Variants in PTPRN2 observed in about 807,000 individuals in gnomAD.
PTPRN2 encodes the protein receptor-type tyrosine-protein phosphatase N2.
Under a neutral mutation model 118.8 loss-of-function variants are expected in PTPRN2, and 74 were observed. The ratio of observed to expected loss-of-function variants is 0.62; its 90% CI spans 0.52 to 0.76. The LOEUF is 0.76. Among genes scored for constraint, PTPRN2 ranks in the 30% least tolerant of loss-of-function variants. PTPRN2 has a pLI of 0.00. For missense variants in PTPRN2, 1,481 were observed against 1,394.4 expected (o/e 1.06, Z -0.99); for synonymous variants, 641 against 608.0 (o/e 1.05, Z -0.80).
intron 11 of PTPRN2, among the ~76,000 whole-genome samples, chr7:158,072,136 G>A (rs1170987690): frequency 2.8e-5 from 4 of 143,566 alleles, no homozygotes; most frequent in African/African-American, 1.1e-4. Context: ...GCTCATGTAG[G>A]ATCTAAATGC....
chr7:157,807,177 C>T (rs974473820), intron 12 of PTPRN2, among the ~76,000 whole-genome samples: 26 of 152,324 alleles, frequency 1.7e-4, no homozygotes, highest in East Asian at 1.3e-3. Context: ...GAACTGTGCC[C>T]GAGAACACAT....
chr7:158,071,779 T>C (rs1166192337), intron 11 of PTPRN2, among the ~76,000 whole-genome samples: 21 of 128,738 alleles, frequency 1.6e-4, no homozygotes, highest in East Asian at 2.7e-4. Context: ...ATGGAGGTGC[T>C]TGTGGTGGTG....
chr7:157,679,722 G>GT (rs1361065230), intron 13 of PTPRN2, among the ~76,000 whole-genome samples: 2 of 152,150 alleles, frequency 1.3e-5, no homozygotes, highest in African/African-American at 4.8e-5. Flanking sequence ...GGGCTGGGGG[G>GT]TTCTGTACAA....
At chr7:158,099,899 G>C (rs921422741) in intron 10 of PTPRN2, among the ~76,000 whole-genome samples, 3 of 137,528 alleles carry the variant, frequency 2.2e-5, no homozygotes, top group African/African-American at 8.4e-5. Context: ...CCCTCATAAG[G>C]ATCATTGTGT....
At chr7:158,318,265 G>A (rs139030426) in intron 2 of PTPRN2, among the ~76,000 whole-genome samples, 23 of 152,220 alleles carry the variant, frequency 1.5e-4, no homozygotes, top group Non-Finnish European at 2.6e-4. Flanking sequence ...AGTGGGAAAG[G>A]GGGGAGGAGG....
chr7:158,570,579 C>A lies in PTPRN2; in HGVS notation c.112+16979G>T, dbSNP rs1343129409. On this transcript the variant is annotated intron_variant, in intron 1 of 22. Coordinates refer to ENST00000389418, the MANE Select transcript of PTPRN2 (RefSeq NM_002847.5). This position sits in a 1 kb window ranked among gnomAD's most constrained non-coding sequence, Gnocchi z 4.5. ...AGCCTCTCCCTGTGTCCTCCGTGCCCCCCGAGTGGCCTGCTAGCCCGCTCT... is the reference window on the plus strand; with the variant it reads ...AGCCTCTCCCTGTGTCCTCCGTGCCACCCGAGTGGCCTGCTAGCCCGCTCT... Among the ~76,000 whole-genome samples, 1 of 152,186 alleles carries A rather than the reference C, an allele frequency of 6.6e-6. No individual in the cohort carries two copies. Among genetic ancestry groups the A allele is most frequent in the Non-Finnish European group, 1.5e-5 (1 of 68,040 alleles).
chr7:158,321,771 CA>C (rs1289771064), intron 2 of PTPRN2, among the ~76,000 whole-genome samples: 2 of 129,950 alleles, frequency 1.5e-5, no homozygotes, highest in Non-Finnish European at 3.5e-5. Context: ...CTGTCACCAT[CA>C]AAACACTCAT....
chr7:157,800,063 C>A (rs1183936323), intron 12 of PTPRN2, among the ~76,000 whole-genome samples: 4 of 151,224 alleles, frequency 2.6e-5, no homozygotes, highest in African/African-American at 9.7e-5. Context: ...CCTCCCCCAT[C>A]CCTTAGAGGT....
At chr7:157,682,046 C>G (rs1197744957) in intron 13 of PTPRN2, among the ~76,000 whole-genome samples, 1 of 152,216 alleles carries the variant, frequency 6.6e-6, no homozygotes, top group East Asian at 1.9e-4. Flanking sequence ...AAACCGAAGG[C>G]CTATGTTCAT....
Position 157,615,885 on chromosome 7 carries a change from A to G in PTPRN2, c.2344+5477T>C. On this transcript the variant is annotated intron_variant, in intron 15 of 22. Transcript: ENST00000389418. This position sits in a 1 kb window ranked among gnomAD's most constrained non-coding sequence, Gnocchi z 4.3. ...CCTTAAGGAAAAGACTCTGGATGTTAGTGGGTTCGGCCTCAGAATCAGCCG... is the reference window on the plus strand; with the variant it reads ...CCTTAAGGAAAAGACTCTGGATGTTGGTGGGTTCGGCCTCAGAATCAGCCG... 3.0e-6 allele frequency: 1 copy of G among 333,350 alleles called. No homozygotes were observed. The highest frequency in any genetic ancestry group is 2.4e-5 in the South Asian group (1 of 40,834). 20.6% of individuals were successfully genotyped at this position (333,350 alleles called of 1,614,324 possible).
intron 12 of PTPRN2, among the ~76,000 whole-genome samples, chr7:157,752,334 C>A (rs1296479038): frequency 6.6e-6 from 1 of 152,226 alleles, no homozygotes; most frequent in East Asian, 1.9e-4. Flanking sequence ...GAAGGCACAG[C>A]CACAGCTTCC....
intron 12 of PTPRN2, among the ~76,000 whole-genome samples, chr7:157,721,338 T>C (rs1799220242): frequency 6.6e-6 from 1 of 152,144 alleles, no homozygotes; most frequent in Non-Finnish European, 1.5e-5. Flanking sequence ...CCCATCCACA[T>C]CCCTTCATGT....
At chr7:158,255,496 G>A (rs996764624) in intron 3 of PTPRN2, among the ~76,000 whole-genome samples, 2 of 152,180 alleles carry the variant, frequency 1.3e-5, no homozygotes, top group African/African-American at 2.4e-5. Context: ...GCCTCAGCAC[G>A]ACAGCTTCAG....
intron 5 of PTPRN2, among the ~76,000 whole-genome samples, chr7:158,183,921 G>A (rs1464602874): frequency 1.3e-5 from 2 of 151,952 alleles, no homozygotes; most frequent in Non-Finnish European, 2.9e-5. Context: ...AGTGGGAGAG[G>A]CATGCTAACA....
intron 12 of PTPRN2, among the ~76,000 whole-genome samples, chr7:157,715,718 G>A (rs1205231241): frequency 1.3e-5 from 2 of 152,236 alleles, no homozygotes; most frequent in South Asian, 2.1e-4. Context: ...GGCGGTCTCC[G>A]CCGTCCAAGC....
At chr7:158,444,039 C>T (rs1179122756) in intron 2 of PTPRN2, among the ~76,000 whole-genome samples, 1 of 148,952 alleles carries the variant, frequency 6.7e-6, no homozygotes, top group Non-Finnish European at 1.5e-5. Context: ...TGGCCCTGTT[C>T]AGTCAGGGTC....
At chr7:158,233,721 T>G (rs1412565059) in intron 3 of PTPRN2, among the ~76,000 whole-genome samples, 1 of 152,224 alleles carries the variant, frequency 6.6e-6, no homozygotes, top group Admixed American at 6.5e-5. Flanking sequence ...CTTCGAAATA[T>G]GCTTCAAAGC....
chr7:157,847,802 G>A (rs1335852703), intron 12 of PTPRN2, among the ~76,000 whole-genome samples: 32 of 136,732 alleles, frequency 2.3e-4, no homozygotes, highest in South Asian at 5.1e-4. Flanking sequence ...TCCATCATGC[G>A]TGCCCGATGT....
chr7:158,037,064 C>T (rs981509268), intron 11 of PTPRN2, among the ~76,000 whole-genome samples: 5 of 152,260 alleles, frequency 3.3e-5, no homozygotes, highest in Non-Finnish European at 7.4e-5. Flanking sequence ...AAATACAAAC[C>T]AATGTGCCTA....
Sources: gnomAD v4.1 joint callset for allele counts (sites outside exome capture counted in the v4.1 genomes callset) on GRCh38, gnomAD v4.1.1 for gene constraint, Gnocchi (gnomAD v3.1) non-coding constraint, MANE v1.5 for transcripts, NCBI Gene and HGNC (gene_info 2026-07-23, HGNC 2026-07-21) for gene names.